The following HEATR5B variants were observed in gnomAD, a reference collection of about 807,000 sequenced individuals.
HEATR5B encodes the protein HEAT repeat-containing protein 5B.
Under a neutral mutation model 224.1 loss-of-function variants are expected in HEATR5B, and 156 were observed. That is an observed-to-expected ratio of 0.70 (90% confidence interval 0.61 to 0.80). HEATR5B has a LOEUF of 0.80. HEATR5B is among the 30% of genes least tolerant of loss of function. The pLI, the probability that HEATR5B is intolerant of heterozygous loss-of-function variation, is 0.00. For missense variants in HEATR5B, 2,323 were observed against 2,535.5 expected, an observed-to-expected ratio of 0.92 and a Z score of 1.80; for synonymous variants, 1,027 against 893.0, an observed-to-expected ratio of 1.15 and a Z score of -2.68.
At chr2:37,056,876 C>T (rs1036913787) in intron 15 of HEATR5B, among the ~76,000 whole-genome samples, 2 of 152,180 alleles carry the variant, frequency 1.3e-5, no homozygotes, top group African/African-American at 4.8e-5. Flanking sequence ...GAACAATATA[C>T]ACAAGATCTT....
Position 37,007,136 on chromosome 2 carries a change from G to A in HEATR5B, c.4691C>T (p.Ser1564Phe), listed in dbSNP as rs893846419. 2.5e-6 allele frequency: 4 copies of A among 1,614,068 alleles called. No individual in the cohort carries two copies. Among genetic ancestry groups the A allele is most frequent in the Non-Finnish European group, 3.4e-6 (4 of 1,179,976 alleles). The change falls in exon 29 of 36, where the codon TCT (serine) becomes TTT (phenylalanine). Residue 1564 changes from serine (S) to phenylalanine (F), a missense_variant. Ser to Phe is a radical substitution (Grantham distance 155). This residue lies in a region of HEATR5B where 844 missense variants were observed against 812.9 expected (regional missense o/e 1.04). Coordinates refer to ENST00000233099, the MANE Select transcript of HEATR5B (RefSeq NM_019024.3). ...AISGLQKRST[S>F]VNLNQASGAV... Reference sequence around the variant, plus strand: ...TCCTGATGCCTGGTTTAAATTGACAGATGTAGAACGTTTTTGTAAACCAGA... The same window carrying A: ...TCCTGATGCCTGGTTTAAATTGACAAATGTAGAACGTTTTTGTAAACCAGA...
intron 33 of HEATR5B, among the ~76,000 whole-genome samples, chr2:36,992,951 C>G (rs1253745271): frequency 6.6e-6 from 1 of 152,152 alleles, no homozygotes; most frequent in Non-Finnish European, 1.5e-5. Flanking sequence ...GTCCGAACTT[C>G]TGGCCTAAAG....
rs1671827794 is a variant in HEATR5B at position 37,070,256 on chromosome 2, G to A, written c.901C>T (p.Arg301Cys). 1.9e-6 allele frequency: 3 copies of A among 1,613,980 alleles called. No homozygotes were observed. The highest frequency in any genetic ancestry group is 1.1e-5 in the South Asian group (1 of 91,070). ...EMLKVGGSVN[R>C]EVRVGVTQAY... ...TGCGTAACTCCAACTCTCACTTCAC[G>A]ATTAACGGACCCTCCAACTTTTAAC... is the stretch of plus-strand genomic sequence containing the variant. The change falls in exon 7 of 36, where the codon CGT becomes TGT. Residue 301 changes from arginine to cysteine, a missense_variant. By Grantham distance (180) the Arg-to-Cys change is radical (BLOSUM62 -3). This residue lies in a region of HEATR5B where 502 missense variants were observed against 517.8 expected (regional missense o/e 0.97). Coordinates refer to ENST00000233099, the MANE Select transcript of HEATR5B (RefSeq NM_019024.3).
intron 22 of HEATR5B, among the ~76,000 whole-genome samples, chr2:37,032,099 G>T (rs953542231): frequency 6.6e-6 from 1 of 151,926 alleles, no homozygotes; most frequent in South Asian, 2.1e-4. Context: ...AAATTACATC[G>T]CAAGAGGCTA....
intron 5 of HEATR5B, among the ~76,000 whole-genome samples, chr2:37,074,363 T>C (rs1287950378): frequency 7.1e-6 from 1 of 140,246 alleles, no homozygotes; most frequent in African/African-American, 2.6e-5. Flanking sequence ...GAAGTGGATA[T>C]CCATATTGAA....
chr2:37,032,907 T>G (rs1669225692), intron 21 of HEATR5B, 134 bp from the exon 22 acceptor site: 1 of 761,210 alleles, frequency 1.3e-6, no homozygotes. Flanking sequence ...TGAGACAGAG[T>G]TTTGCTCTTG....
chr2:36,998,866 CACAT>C (rs1666897523), intron 33 of HEATR5B, among the ~76,000 whole-genome samples: 3 of 151,800 alleles, frequency 2.0e-5, no homozygotes, highest in African/African-American at 7.3e-5. Flanking sequence ...ATATAACTGA[CACAT>C]ACTCATATAG....
chr2:37,055,361 G>A (rs1026186733), intron 16 of HEATR5B, among the ~76,000 whole-genome samples: 1 of 151,924 alleles, frequency 6.6e-6, no homozygotes, highest in Non-Finnish European at 1.5e-5. Flanking sequence ...ATACAGAATT[G>A]AGATAATCCT....
At chr2:37,039,537 T>C (rs942129456) in intron 20 of HEATR5B, among the ~76,000 whole-genome samples, 1 of 152,190 alleles carries the variant, frequency 6.6e-6, no homozygotes, top group Non-Finnish European at 1.5e-5. Context: ...TCCAAAACCT[T>C]GTAAAAGTTC....
At chr2:37,001,673 C>A (rs1272653752) in intron 32 of HEATR5B, among the ~76,000 whole-genome samples, 1 of 144,014 alleles carries the variant, frequency 6.9e-6, no homozygotes, top group Non-Finnish European at 1.5e-5. Flanking sequence ...CTTTTTCTTT[C>A]TTTTTTTTTT....
rs774207914 is a variant in HEATR5B at position 37,064,899 on chromosome 2, T to A, written c.1425A>T (p.Ala475=). The change falls in exon 10 of 36, where the codon GCA becomes GCT. Residue 475 remains alanine (A), a synonymous_variant. Coordinates refer to ENST00000233099, the MANE Select transcript of HEATR5B (RefSeq NM_019024.3). Reference sequence around the variant, plus strand: ...GAAATGGTGTCAGCTGGAAAGGTAATGCCACAGCCACACAGCGCAAACACC... The same window carrying A: ...GAAATGGTGTCAGCTGGAAAGGTAAAGCCACAGCCACACAGCGCAAACACC... ...AAWCLRCVAV[A]LPFQLTPFLD... The A allele has an allele frequency of 6.2e-7, 1 of 1,614,150 alleles. No individual in the cohort carries two copies. Among genetic ancestry groups the A allele is most frequent in the South Asian group, 1.1e-5 (1 of 91,086 alleles).
intron 18 of HEATR5B, 73 bp from the exon 19 acceptor site, chr2:37,041,365 CA>C (rs1419779552): frequency 6.6e-6 from 9 of 1,359,266 alleles, no homozygotes; most frequent in African/African-American, 2.9e-5. Flanking sequence ...ATAAGTCACA[CA>C]AAAACTGGGA....
intron 18 of HEATR5B, among the ~76,000 whole-genome samples, chr2:37,041,758 T>TTAATAATAA (rs3084396): frequency 2.0e-5 from 3 of 149,368 alleles, no homozygotes; most frequent in African/African-American, 7.3e-5. Flanking sequence ...AATAATAATA[T>TTAATAATAA]TAATAATAAT....
rs1211803814 is a variant in HEATR5B at position 37,008,868 on chromosome 2, G to A, written c.4285-20C>T. On this transcript the variant is annotated intron_variant, in intron 27 of 35. Coordinates refer to ENST00000233099, the MANE Select transcript of HEATR5B (RefSeq NM_019024.3). ...ATATACCTAATATGATATTTATGAG[G>A]ACAAAATAGTAAGGCATAAGATAAA... 1.5e-6 allele frequency: 2 copies of A among 1,374,166 alleles called. No individual in the cohort carries two copies. The highest frequency in any genetic ancestry group is 2.1e-6 in the Non-Finnish European group (2 of 975,040). The allele number at this position is 1,374,166 out of a possible 1,614,324, so 85.1% of individuals were successfully genotyped here.
intron 22 of HEATR5B, 80 bp from the exon 23 acceptor site, chr2:37,029,000 C>T: frequency 2.8e-6 from 4 of 1,406,314 alleles, no homozygotes; most frequent in Non-Finnish European, 3.9e-6. Flanking sequence ...AAGACCAAGT[C>T]TTACATATAA....
At position 37,002,616 on chromosome 2, in the gene HEATR5B, G is replaced by C. The variant is rs780383151; in HGVS notation, c.5051-44C>G. On this transcript the variant is annotated intron_variant, in intron 31 of 35. Transcript: ENST00000233099. ...TGGTGAAATTTCCAGCCAAAAAAAA[G>C]TATGTAAAACAACACAAGTATATTT... The C allele has an allele frequency of 4.4e-6, 7 of 1,586,298 alleles. No homozygotes were observed. The South Asian group carries it at 6.8e-5, about 15-fold the overall frequency.
intron 33 of HEATR5B, among the ~76,000 whole-genome samples, chr2:36,993,013 A>C (rs1666440010): frequency 6.6e-6 from 1 of 152,176 alleles, no homozygotes. Flanking sequence ...GTTTAAACCA[A>C]GGTGTCCGGC....
In HEATR5B at chr2:37,008,691, C is replaced by A. The variant is rs745345914; in HGVS notation, c.4442G>T (p.Ser1481Ile). Residue 1481 changes from serine (S) to isoleucine (I), a missense_variant, in exon 28 of 36, where the codon AGT becomes ATT. This residue lies in a region of HEATR5B where 844 missense variants were observed against 812.9 expected (regional missense o/e 1.04). Transcript: ENST00000233099. ...TTTTAATGCTGCTAACCACAGGCGACTGAGTGTTGGTAGTTCAGGTTGTAC... is the reference window on the plus strand; with the variant it reads ...TTTTAATGCTGCTAACCACAGGCGAATGAGTGTTGGTAGTTCAGGTTGTAC... ...TLVQPELPTL[S>I]RLWLAALKDY... 2.5e-6 allele frequency: 4 copies of A among 1,614,146 alleles called. No homozygotes were observed. Among genetic ancestry groups the A allele is most frequent in the Non-Finnish European group, 3.4e-6 (4 of 1,180,030 alleles).
In HEATR5B at chr2:37,058,514, C is replaced by T. The variant is rs771148557; in HGVS notation, c.1996G>A (p.Ala666Thr). The T allele has an allele frequency of 1.9e-6, 3 of 1,613,378 alleles. No homozygotes were observed. In the East Asian group the frequency reaches 6.7e-5, roughly 36 times the overall value. The change falls in exon 14 of 36, where the codon GCT becomes ACT. Residue 666 changes from alanine (A) to threonine (T), a missense_variant. This residue lies in a region of HEATR5B where 502 missense variants were observed against 517.8 expected (regional missense o/e 0.97). Transcript: ENST00000233099. ...TAAAGTCTTAAACGGACCATTGCAG[C>T]ACTAGCTTTCAGATGAGCTCCATGG... is the stretch of plus-strand genomic sequence containing the variant. ...KAHGAHLKASAAMVRLRLYDI... is the reference protein window; with the variant it reads ...KAHGAHLKASTAMVRLRLYDI...
Sources: gnomAD v4.1 joint callset for allele counts (sites outside exome capture counted in the v4.1 genomes callset) on GRCh38, gnomAD v4.1.1 for gene constraint, gnomAD v4.1.1 regional missense constraint, MANE v1.5 for transcripts, NCBI Gene and HGNC (gene_info 2026-07-23, HGNC 2026-07-21) for gene names.